The following TTLL5 variants were observed in gnomAD, a reference collection of about 807,000 sequenced individuals.
The protein encoded by TTLL5 is tubulin polyglutamylase TTLL5.
In TTLL5, 132 loss-of-function variants were observed where a neutral mutation model predicts 168.4. The ratio of observed to expected loss-of-function variants is 0.78; its 90% CI spans 0.68 to 0.91. The LOEUF (loss-of-function observed/expected upper bound fraction) is 0.91, where lower values mean the gene tolerates loss of function less well. TTLL5 is among the 40% of genes least tolerant of loss of function. The pLI is 0.00. For synonymous variants in TTLL5, 546 were observed against 558.6 expected (o/e 0.98, Z 0.32); for missense variants, 1,545 against 1,581.5 (o/e 0.98, Z 0.39).
At chr14:75,706,981 T>G in intron 7 of TTLL5, 37 bp from the exon 8 acceptor site, 12 of 1,494,736 alleles carry the variant, frequency 8.0e-6, no homozygotes, top group Non-Finnish European at 1.1e-5. Context: ...GATTCCTGTG[T>G]ATTTCTATTC....
At position 75,774,821 on chromosome 14, in the gene TTLL5, G is replaced by A. The variant is rs942506501; in HGVS notation, c.2137-663G>A. 5.9e-5 allele frequency among the ~76,000 whole-genome samples: 9 copies of A among 151,770 alleles called. No homozygotes were observed. In the East Asian group the frequency reaches 9.7e-4, roughly 16 times the overall value. ...CTCATACCTCAGCCTCCCAAGTAGCGGAGATTACAGGTGTGTGCCACCACG... is the reference window on the plus strand; with the variant it reads ...CTCATACCTCAGCCTCCCAAGTAGCAGAGATTACAGGTGTGTGCCACCACG... On this transcript the variant is annotated intron_variant, in intron 21 of 31. Transcript: ENST00000298832.
intron 18 of TTLL5, among the ~76,000 whole-genome samples, chr14:75,757,537 T>C (rs924990958): frequency 6.6e-6 from 1 of 152,254 alleles, no homozygotes; most frequent in Non-Finnish European, 1.5e-5. Context: ...GTGGTTGTGA[T>C]GAATAAGCAG....
chr14:75,715,701 T>TA (rs2140192404), intron 9 of TTLL5, among the ~76,000 whole-genome samples: 1 of 152,308 alleles, frequency 6.6e-6, no homozygotes, highest in South Asian at 2.1e-4. Flanking sequence ...TTCTGCTTCA[T>TA]ACACTCAGTT....
intron 5 of TTLL5, chr14:75,684,487 T>A (rs1204036772): frequency 3.3e-5 from 5 of 152,230 alleles, no homozygotes; most frequent in Non-Finnish European, 7.3e-5. Context: ...GATGATATAA[T>A]CTAGCTATTA....
chr14:75,902,107 G>C, intron 30 of TTLL5, 35 bp from the exon 31 acceptor site: 1 of 1,606,762 alleles, frequency 6.2e-7, no homozygotes. Flanking sequence ...TCACCTTTCC[G>C]CCTGCAGGTC....
chr14:75,880,057 G>A (rs1336022861), intron 29 of TTLL5, among the ~76,000 whole-genome samples: 1 of 152,050 alleles, frequency 6.6e-6, no homozygotes, highest in Non-Finnish European at 1.5e-5. Context: ...CTCCTGCCTT[G>A]ACCCCTAGCT....
intron 27 of TTLL5, among the ~76,000 whole-genome samples, chr14:75,807,553 A>G (rs1893729607): frequency 6.6e-6 from 1 of 152,244 alleles, no homozygotes; most frequent in African/African-American, 2.4e-5. Context: ...TATATGCATT[A>G]TCTCTTTAAC....
At chr14:75,687,190 C>T (rs1264446389) in intron 5 of TTLL5, among the ~76,000 whole-genome samples, 1 of 152,168 alleles carries the variant, frequency 6.6e-6, no homozygotes, top group African/African-American at 2.4e-5. Context: ...TAGACAAGAT[C>T]TTTGCAACCT....
chr14:75,863,942 G>GAATGAGA (rs1348569904), intron 29 of TTLL5, 80 bp downstream of exon 29: 1 of 912,260 alleles, frequency 1.1e-6, no homozygotes, highest in African/African-American at 4.5e-5. Flanking sequence ...AAAGGTCAGT[G>GAATGAGA]AATGAGAAAT....
chr14:75,800,458 T>C (rs1893236587), intron 27 of TTLL5, among the ~76,000 whole-genome samples: 2 of 152,214 alleles, frequency 1.3e-5, no homozygotes, highest in South Asian at 4.1e-4. Flanking sequence ...ATCGACCTTT[T>C]GAGTTCTTTT....
intron 28 of TTLL5, among the ~76,000 whole-genome samples, chr14:75,851,312 G>A (rs1305375688): frequency 6.6e-6 from 1 of 152,006 alleles, no homozygotes; most frequent in Non-Finnish European, 1.5e-5. Flanking sequence ...GTTGGATCAC[G>A]GATGAATTTC....
At chr14:75,685,393 A>G (rs1884968910) in intron 5 of TTLL5, among the ~76,000 whole-genome samples, 1 of 151,774 alleles carries the variant, frequency 6.6e-6, no homozygotes, top group Non-Finnish European at 1.5e-5. Flanking sequence ...AAAAAAAAAA[A>G]AGGGTGGTGT....
At chr14:75,700,750 T>C (rs1213822634) in intron 7 of TTLL5, among the ~76,000 whole-genome samples, 1 of 152,206 alleles carries the variant, frequency 6.6e-6, no homozygotes, top group Non-Finnish European at 1.5e-5. Context: ...TGCCTTGGTC[T>C]CTCACTCTGC....
At chr14:75,743,584 T>TC in intron 15 of TTLL5, among the ~76,000 whole-genome samples, 1 of 137,514 alleles carries the variant, frequency 7.3e-6, no homozygotes, top group Non-Finnish European at 1.6e-5. Context: ...TCTTTTTTTT[T>TC]TTTTTTTTTT....
chr14:75,821,861 T>C (rs968198344), intron 28 of TTLL5, among the ~76,000 whole-genome samples: 1 of 152,154 alleles, frequency 6.6e-6, no homozygotes, highest in African/African-American at 2.4e-5. Context: ...CCCTGGTCTT[T>C]TCCTTTTCTT....
chr14:75,789,159 A>C (rs1419658532), intron 26 of TTLL5, among the ~76,000 whole-genome samples: 1 of 152,222 alleles, frequency 6.6e-6, no homozygotes, highest in South Asian at 2.1e-4. Context: ...AAATGTTGAA[A>C]GCATTCTCTT....
intron 5 of TTLL5, among the ~76,000 whole-genome samples, chr14:75,687,053 A>T (rs1885114208): frequency 6.6e-6 from 1 of 152,124 alleles, no homozygotes. Flanking sequence ...GTTGTTGTTT[A>T]CTTATATTTG....
At chr14:75,708,471 GC>G (rs1886808671) in intron 9 of TTLL5, among the ~76,000 whole-genome samples, 1 of 151,924 alleles carries the variant, frequency 6.6e-6, no homozygotes, top group Admixed American at 6.6e-5. Context: ...GACAACAGGT[GC>G]CCCCCACCAT....
chr14:75,810,259 A>T (rs1448919375), intron 27 of TTLL5, among the ~76,000 whole-genome samples: 9 of 152,188 alleles, frequency 5.9e-5, no homozygotes, highest in Admixed American at 5.9e-4. Context: ...AAATTGAGCT[A>T]TGGCAAGATT....
Sources: allele counts gnomAD v4.1 joint callset (sites outside exome capture counted in the v4.1 genomes callset), GRCh38; gene constraint gnomAD v4.1.1; transcripts MANE v1.5; gene names NCBI Gene and HGNC (gene_info 2026-07-23, HGNC 2026-07-21).